The following CDH13 variants were observed in gnomAD, a reference collection of about 807,000 sequenced individuals.
The protein encoded by CDH13 is cadherin-13.
A neutral mutation model predicts 63.8 loss-of-function variants in CDH13; 24 were observed. The ratio of observed to expected loss-of-function variants is 0.38; its 90% CI spans 0.27 to 0.53. CDH13 has a LOEUF of 0.53. Ranked by LOEUF, CDH13 falls within the 20% of genes least tolerant of loss-of-function variation. The probability of loss-of-function intolerance (pLI) is 0.85; values close to 1 mark genes in which losing one functional copy is unlikely to be tolerated. For synonymous variants in CDH13, 503 were observed against 355.3 expected (o/e 1.42, Z -4.67); for missense variants, 1,049 against 903.1 (o/e 1.16, Z -2.07).
chr16:83,493,253 G>C (rs1187068364), intron 7 of CDH13, among the ~76,000 whole-genome samples: 1 of 152,206 alleles, frequency 6.6e-6, no homozygotes, highest in Non-Finnish European at 1.5e-5. Flanking sequence ...AAAGAAGTTG[G>C]AGTTTCTCCT....
intron 4 of CDH13, among the ~76,000 whole-genome samples, chr16:83,176,022 T>A (rs1437287977): frequency 6.6e-6 from 1 of 150,724 alleles, no homozygotes; most frequent in East Asian, 2.0e-4. Flanking sequence ...TGTTTTTGTT[T>A]TTTTTTCAGT....
intron 1 of CDH13, among the ~76,000 whole-genome samples, chr16:82,773,857 C>T (rs1294921971): frequency 1.3e-5 from 2 of 151,388 alleles, no homozygotes; most frequent in Admixed American, 1.3e-4. Flanking sequence ...GATCTCAGCT[C>T]ACTGCAACCT....
At chr16:83,009,158 G>A (rs146915808) in intron 2 of CDH13, among the ~76,000 whole-genome samples, 33 of 152,304 alleles carry the variant, frequency 2.2e-4, no homozygotes, top group African/African-American at 7.7e-4. Flanking sequence ...CCAGATCATA[G>A]TCCATGTCTA....
chr16:82,688,420 C>G (rs894257500), intron 1 of CDH13, among the ~76,000 whole-genome samples: 8 of 152,202 alleles, frequency 5.3e-5, no homozygotes, highest in Admixed American at 3.9e-4. Context: ...TGTTTATGCA[C>G]TAAATCAAAT....
chr16:83,738,934 T>C (rs1395975386), intron 10 of CDH13, among the ~76,000 whole-genome samples: 1 of 152,114 alleles, frequency 6.6e-6, no homozygotes, highest in Non-Finnish European at 1.5e-5. Flanking sequence ...TTAGGAGAAA[T>C]AGGAATTTAG....
At chr16:83,727,822 A>T (rs141107945) in intron 10 of CDH13, among the ~76,000 whole-genome samples, 37 of 152,254 alleles carry the variant, frequency 2.4e-4, no homozygotes, top group African/African-American at 8.7e-4. Context: ...CACCAGTCAC[A>T]GCAGGGCAGC....
chr16:82,939,692 A>G (rs909047419), intron 2 of CDH13, among the ~76,000 whole-genome samples: 1 of 152,144 alleles, frequency 6.6e-6, no homozygotes, highest in Non-Finnish European at 1.5e-5. Flanking sequence ...TGTTTTTAAG[A>G]AGTCCTTTCT....
At chr16:83,034,300 C>A (rs1054812567) in intron 3 of CDH13, among the ~76,000 whole-genome samples, 2 of 152,116 alleles carry the variant, frequency 1.3e-5, no homozygotes, top group Non-Finnish European at 2.9e-5. Flanking sequence ...ATCTGCCATT[C>A]CTGGGCTGGA....
At chr16:83,315,684 T>C (rs2090090994) in intron 5 of CDH13, among the ~76,000 whole-genome samples, 1 of 152,024 alleles carries the variant, frequency 6.6e-6, no homozygotes, top group Admixed American at 6.6e-5. Flanking sequence ...ATTTTTTTAG[T>C]GTGTTCTCGC....
chr16:83,330,006 T>A (rs1435406370), intron 5 of CDH13, among the ~76,000 whole-genome samples: 1 of 152,218 alleles, frequency 6.6e-6, no homozygotes, highest in Non-Finnish European at 1.5e-5. Context: ...AAATATATCT[T>A]TTAAGACCCT....
intron 5 of CDH13, among the ~76,000 whole-genome samples, chr16:83,323,172 TTTTTTC>T (rs72162362): frequency 0.047 from 2,901 of 61,874 alleles, 44 homozygotes; most frequent in African/African-American, 0.071. Flanking sequence ...TTTCTCTTTC[TTTTTTC>T]TTTCTTTCTT....
chr16:83,274,141 C>G (rs1208404964), intron 5 of CDH13, among the ~76,000 whole-genome samples: 2 of 152,200 alleles, frequency 1.3e-5, no homozygotes, highest in African/African-American at 4.8e-5. Context: ...ACCAAGGTCC[C>G]TCAAAGGAAA....
chr16:82,889,205 T>G (rs185825012), intron 2 of CDH13, among the ~76,000 whole-genome samples: 29 of 152,314 alleles, frequency 1.9e-4, no homozygotes, highest in Non-Finnish European at 3.5e-4. Context: ...AATGTCACTG[T>G]TTTTTCAGTT....
At chr16:83,124,042 CTTTT>C (rs1386118833) in intron 3 of CDH13, among the ~76,000 whole-genome samples, 3 of 152,004 alleles carry the variant, frequency 2.0e-5, no homozygotes, top group African/African-American at 4.8e-5. Context: ...GCCCCACTTT[CTTTT>C]GTTTGTTTGT....
At chr16:82,877,713 C>T (rs2040551164) in intron 2 of CDH13, among the ~76,000 whole-genome samples, 1 of 151,960 alleles carries the variant, frequency 6.6e-6, no homozygotes, top group South Asian at 2.1e-4. Flanking sequence ...CAAAAATACC[C>T]CAGAATCTAA....
At chr16:83,431,038 A>G (rs567021690) in intron 6 of CDH13, among the ~76,000 whole-genome samples, 6 of 144,200 alleles carry the variant, frequency 4.2e-5, no homozygotes, top group African/African-American at 1.5e-4. Context: ...TCATTGTTCA[A>G]TTCCCACCTA....
At chr16:82,693,937 C>T (rs2029940245) in intron 1 of CDH13, among the ~76,000 whole-genome samples, 1 of 152,162 alleles carries the variant, frequency 6.6e-6, no homozygotes, top group Admixed American at 6.5e-5. Flanking sequence ...CACTAAGGTA[C>T]AGTGAAGGCC....
At chr16:82,676,065 C>T (rs923623052) in intron 1 of CDH13, among the ~76,000 whole-genome samples, 1 of 152,236 alleles carries the variant, frequency 6.6e-6, no homozygotes, top group Non-Finnish European at 1.5e-5. Context: ...CAGTCTGTGC[C>T]TGGCAACATT....
At chr16:83,628,612 C>G (rs967367097) in intron 8 of CDH13, among the ~76,000 whole-genome samples, 10 of 152,258 alleles carry the variant, frequency 6.6e-5, no homozygotes, top group African/African-American at 2.4e-4. Flanking sequence ...CAAGCTCTTC[C>G]CAGTCTGTAG....
Sources: allele counts gnomAD v4.1 joint callset (sites outside exome capture counted in the v4.1 genomes callset), GRCh38; gene constraint gnomAD v4.1.1; transcripts MANE v1.5; gene names NCBI Gene and HGNC (gene_info 2026-07-23, HGNC 2026-07-21).